MCFD2: variants seen among roughly 807,000 people sequenced by gnomAD.
The protein encoded by MCFD2 is multiple coagulation factor deficiency protein 2.
A neutral mutation model predicts 12.8 loss-of-function variants in MCFD2; 11 were observed. That is an observed-to-expected ratio of 0.86 (90% CI 0.54 to 1.42). The LOEUF (loss-of-function observed/expected upper bound fraction) is 1.42. Ranked by LOEUF, MCFD2 falls within the 40% of genes most tolerant of loss-of-function variation. MCFD2 has a pLI of 0.00. For missense variants in MCFD2, 191 were observed against 178.6 expected (o/e 1.07, Z -0.40); for synonymous variants, 70 against 68.1 (o/e 1.03, Z -0.14).
At position 46,905,384 on chromosome 2, in the gene MCFD2, T is replaced by C. The variant is rs1572605422; in HGVS notation, c.*79A>G. 1.2e-5 allele frequency: 18 copies of C among 1,519,128 alleles called. No homozygotes were observed. In the East Asian group the frequency reaches 2.9e-4, roughly 25 times the overall value. The allele number at this position is 1,519,128 out of a possible 1,614,324, so 94.1% of individuals were successfully genotyped here. A position where few individuals can be genotyped will look rare whatever the true frequency, so the allele number is the denominator to read the frequency against. ...TGCTGCAGCAGTAGTTGGAAATGAG[T>C]TATTTTGCATTACTAAAGTGTTCAA... On this transcript the variant is annotated 3_prime_UTR_variant, in exon 4 of 4. Transcript: ENST00000319466.
chr2:46,922,241 A>G (rs1298411842), intron 1 of MCFD2, among the ~76,000 whole-genome samples: 2 of 152,158 alleles, frequency 1.3e-5, no homozygotes, highest in African/African-American at 2.4e-5. Flanking sequence ...CATTAGGCCT[A>G]TACCATTTCC....
In MCFD2 at chr2:46,908,990, G is replaced by A. The variant is rs551806668; in HGVS notation, c.149+33C>T. The A allele has an allele frequency of 6.2e-7, 1 of 1,613,974 alleles. No individual in the cohort carries two copies. Among genetic ancestry groups the A allele is most frequent in the South Asian group, 1.1e-5 (1 of 91,062 alleles). ...TGGCTCAGCTGCAGATGATGGGGAG[G>A]CCACTGGACCACAGCCCGGGCTGAA... is the stretch of plus-strand genomic sequence containing the variant. On this transcript the variant is annotated intron_variant, in intron 2 of 3. Coordinates refer to ENST00000319466, the MANE Select transcript of MCFD2 (RefSeq NM_139279.6). This position sits in a 1 kb window ranked among gnomAD's most constrained non-coding sequence, Gnocchi z 4.5.
chr2:46,918,175 C>T (rs1422351835), upstream of MCFD2, among the ~76,000 whole-genome samples: 6 of 152,152 alleles, frequency 3.9e-5, no homozygotes, highest in Non-Finnish European at 8.8e-5. Context: ...TTGATTTTCA[C>T]CCCCAAACCT....
intron 1 of MCFD2, among the ~76,000 whole-genome samples, chr2:46,936,565 A>G (rs1669989014): frequency 6.6e-6 from 1 of 152,196 alleles, no homozygotes; most frequent in African/African-American, 2.4e-5. Context: ...TCAGCTCACC[A>G]TTCGCAGACT....
intron 1 of MCFD2, among the ~76,000 whole-genome samples, chr2:46,928,477 A>C (rs1372817386): frequency 1.3e-5 from 2 of 151,402 alleles, no homozygotes; most frequent in Admixed American, 6.6e-5. Flanking sequence ...AAAAAAAAAA[A>C]AAAAAAAACT....
At chr2:46,929,207 G>C (rs772858413) in intron 1 of MCFD2, among the ~76,000 whole-genome samples, 2 of 151,856 alleles carry the variant, frequency 1.3e-5, no homozygotes, top group African/African-American at 4.8e-5. Flanking sequence ...TTCTAGGCTG[G>C]GTACAGTGGC....
intron 1 of MCFD2, among the ~76,000 whole-genome samples, chr2:46,928,897 T>C (rs1335009126): frequency 2.0e-5 from 3 of 152,166 alleles, no homozygotes; most frequent in African/African-American, 7.2e-5. Context: ...ACACTTCTAG[T>C]CATGCCTGCA....
At position 46,941,079 on chromosome 2, in the gene MCFD2, A is replaced by G. The variant is rs1670296901; in HGVS notation, c.-8+493T>C. On this transcript the variant is annotated intron_variant, in intron 1 of 2. Transcript: ENST00000409147. This position sits in a 1 kb window ranked among gnomAD's most constrained non-coding sequence, Gnocchi z 4.2. Reference sequence around the variant, plus strand: ...GGGGGCGGGTACCCGGGCGGCCGCGAGCGCCCTTCGCGCGCCTGGCTGCTG... The same window carrying G: ...GGGGGCGGGTACCCGGGCGGCCGCGGGCGCCCTTCGCGCGCCTGGCTGCTG... 6.7e-6 allele frequency: 1 copy of G among 148,684 alleles called. No homozygotes were observed. The highest frequency in any genetic ancestry group is 2.5e-5 in the African/African-American group (1 of 40,206). 9.2% of individuals were successfully genotyped at this position (148,684 alleles called of 1,614,324 possible).
chr2:46,918,931 C>G (rs1013980900), upstream of MCFD2, among the ~76,000 whole-genome samples: 1 of 152,196 alleles, frequency 6.6e-6, no homozygotes, highest in Non-Finnish European at 1.5e-5. Context: ...TGGAACCTTG[C>G]TGAAATACCC....
intron 1 of MCFD2, among the ~76,000 whole-genome samples, chr2:46,938,245 A>C (rs1389530768): frequency 6.6e-6 from 1 of 152,216 alleles, no homozygotes; most frequent in Non-Finnish European, 1.5e-5. Context: ...TAAACCCACA[A>C]GGAAACATTT....
At chr2:46,928,936 G>A (rs1669547483) in intron 1 of MCFD2, among the ~76,000 whole-genome samples, 1 of 152,198 alleles carries the variant, frequency 6.6e-6, no homozygotes, top group South Asian at 2.1e-4. Flanking sequence ...GCTGAGGTGG[G>A]TGGATTACTT....
chr2:46,905,748 T>C, intron 3 of MCFD2, 154 bp from the exon 4 acceptor site: 1 of 776,042 alleles, frequency 1.3e-6, no homozygotes, highest in Middle Eastern at 3.2e-4. Context: ...TCCACGCTCA[T>C]ATGTGTCCAA....
chr2:46,922,244 C>G (rs1452258739), intron 1 of MCFD2, among the ~76,000 whole-genome samples: 1 of 152,114 alleles, frequency 6.6e-6, no homozygotes, highest in Non-Finnish European at 1.5e-5. Context: ...TAGGCCTATA[C>G]CATTTCCTCC....
At chr2:46,938,699 G>T (rs1416026097) in intron 1 of MCFD2, among the ~76,000 whole-genome samples, 1 of 152,164 alleles carries the variant, frequency 6.6e-6, no homozygotes, top group Non-Finnish European at 1.5e-5. Context: ...CTGTGTGGTG[G>T]GTGGTTCATA....
intron 1 of MCFD2, among the ~76,000 whole-genome samples, chr2:46,936,218 G>A (rs567488722): frequency 1.3e-5 from 2 of 152,200 alleles, no homozygotes; most frequent in Admixed American, 6.5e-5. Context: ...TTTCCCCCTT[G>A]TGGATATCTG....
chr2:46,916,769 GGATTACAGGC>G, upstream of MCFD2, among the ~76,000 whole-genome samples: 1 of 152,258 alleles, frequency 6.6e-6, no homozygotes, highest in African/African-American at 2.4e-5. Context: ...CGAGTAGCTG[GGATTACAGGC>G]GCGTGCCACC....
chr2:46,903,911 G>C lies in MCFD2; in HGVS notation c.*1552C>G, dbSNP rs1227126719. 1 of 152,186 alleles carries C rather than the reference G, an allele frequency of 6.6e-6. No homozygotes were observed. The highest frequency in any genetic ancestry group is 6.5e-5 in the Admixed American group (1 of 15,280). The allele number at this position is 152,186 out of a possible 1,614,324, so 9.4% of individuals were successfully genotyped here. On this transcript the variant is annotated 3_prime_UTR_variant, in exon 4 of 4. Coordinates refer to ENST00000319466, the MANE Select transcript of MCFD2 (RefSeq NM_139279.6). ...TTGCATAAGTAGCAAGGAGCCTAAT[G>C]TTAATCCCCAACACCATGGGGAAAA...
intron 3 of MCFD2, among the ~76,000 whole-genome samples, chr2:46,906,351 C>T (rs904328187): frequency 1.3e-5 from 2 of 152,146 alleles, no homozygotes; most frequent in African/African-American, 2.4e-5. Context: ...CTGCTGCCTT[C>T]AAACCTCACC....
upstream of MCFD2, chr2:46,915,807 C>CGGG: frequency 1.2e-5 from 1 of 84,836 alleles, no homozygotes; most frequent in Non-Finnish European, 1.5e-5. Flanking sequence ...CTCGGCTTCG[C>CGGG]CCCGCCCCCC....
Sources: gnomAD v4.1 joint callset for allele counts (sites outside exome capture counted in the v4.1 genomes callset) on GRCh38, gnomAD v4.1.1 for gene constraint, Gnocchi (gnomAD v3.1) non-coding constraint, MANE v1.5 for transcripts, NCBI Gene and HGNC (gene_info 2026-07-23, HGNC 2026-07-21) for gene names.